The following NEK11 variants were observed in gnomAD, a reference collection of about 807,000 sequenced individuals.
NEK11 encodes the protein serine/threonine-protein kinase Nek11.
NEK11 carries 72 observed loss-of-function variants against 80.7 expected under a neutral mutation model. The ratio of observed to expected loss-of-function variants is 0.89; its 90% CI spans 0.74 to 1.08. NEK11 has a LOEUF of 1.08. Ranked by LOEUF, NEK11 falls within the 50% of genes least tolerant of loss-of-function variation. The pLI, the probability that NEK11 is intolerant of heterozygous loss-of-function variation, is 0.00. For missense variants in NEK11, 764 were observed against 763.6 expected, an observed-to-expected ratio of 1.00 and a Z score of -0.01; for synonymous variants, 251 against 260.7, an observed-to-expected ratio of 0.96 and a Z score of 0.36.
At chr3:131,113,271 A>G (rs1000731297) in intron 5 of NEK11, among the ~76,000 whole-genome samples, 1 of 151,880 alleles carries the variant, frequency 6.6e-6, no homozygotes, top group African/African-American at 2.4e-5. Context: ...GAATATGGAG[A>G]GAGAAGAAGG....
intron 17 of NEK11, among the ~76,000 whole-genome samples, chr3:131,276,108 A>C (rs528641183): frequency 3.9e-5 from 6 of 152,340 alleles, no homozygotes; most frequent in Non-Finnish European, 7.4e-5. Context: ...GGAGGTCAGC[A>C]GATTTGGTGT....
intron 14 of NEK11, among the ~76,000 whole-genome samples, chr3:131,171,188 G>A (rs532842313): frequency 1.3e-5 from 2 of 152,298 alleles, no homozygotes; most frequent in South Asian, 2.1e-4. Flanking sequence ...TGCAAACTCC[G>A]AATACTCTGG....
intron 14 of NEK11, among the ~76,000 whole-genome samples, chr3:131,200,182 C>T (rs75357957): frequency 0.024 from 3,630 of 152,218 alleles, 154 homozygotes; most frequent in African/African-American, 0.083. Context: ...AATAAAGAAA[C>T]GCATAAGTAA....
chr3:131,181,167 T>G (rs748753040), intron 14 of NEK11, among the ~76,000 whole-genome samples: 17 of 152,174 alleles, frequency 1.1e-4, no homozygotes, highest in Non-Finnish European at 1.3e-4. Flanking sequence ...TCTGATTATT[T>G]GGATGCTCTC....
intron 4 of NEK11, among the ~76,000 whole-genome samples, chr3:131,101,795 G>T (rs1355654346): frequency 6.6e-6 from 1 of 152,108 alleles, no homozygotes; most frequent in Non-Finnish European, 1.5e-5. Flanking sequence ...TGCCTTGATG[G>T]TATGTCTAAT....
intron 14 of NEK11, 68 bp downstream of exon 14, chr3:131,170,955 G>A: frequency 9.0e-7 from 1 of 1,111,572 alleles, no homozygotes; most frequent in Non-Finnish European, 1.4e-6. Flanking sequence ...GGCCGACTTT[G>A]CAGTGGGTCT....
chr3:131,102,269 G>A (rs1181445037), intron 4 of NEK11, among the ~76,000 whole-genome samples: 1 of 152,130 alleles, frequency 6.6e-6, no homozygotes, highest in East Asian at 1.9e-4. Flanking sequence ...GCTTTGCAGT[G>A]CCTGTGGGCT....
At chr3:131,289,189 C>A (rs1458414229) in intron 17 of NEK11, among the ~76,000 whole-genome samples, 2 of 152,160 alleles carry the variant, frequency 1.3e-5, no homozygotes, top group Non-Finnish European at 2.9e-5. Flanking sequence ...TTTCAGTGTT[C>A]TCATATGTCC....
rs542119256 is a variant in NEK11 at position 131,073,478 on chromosome 3, G to T, written c.171-6945G>T. On this transcript the variant is annotated intron_variant, in intron 3 of 17. Transcript: ENST00000383366. ...TCTGAAATAATTTTACTCCTTTTTT[G>T]TTCTTTATTAGCTGTATTATTAATT... Among the ~76,000 whole-genome samples, 118 of 151,928 alleles carry T rather than the reference G, an allele frequency of 7.8e-4. 2 individuals carry two copies. The highest frequency in any genetic ancestry group is 7.7e-3 in the Admixed American group (118 of 15,260).
intron 3 of NEK11, among the ~76,000 whole-genome samples, chr3:131,048,506 C>G (rs1026267558): frequency 6.6e-6 from 1 of 152,220 alleles, no homozygotes; most frequent in Non-Finnish European, 1.5e-5. Context: ...TCACTTGGCT[C>G]TCTAAATTTG....
chr3:131,133,799 A>G, intron 6 of NEK11, 31 bp from the exon 7 acceptor site: 1 of 1,593,550 alleles, frequency 6.3e-7, no homozygotes, highest in Non-Finnish European at 8.6e-7. Context: ...GTTGGCTTAA[A>G]GTATTCATAA....
At chr3:131,204,326 C>T (rs980118181) in intron 14 of NEK11, among the ~76,000 whole-genome samples, 1 of 152,026 alleles carries the variant, frequency 6.6e-6, no homozygotes, top group Admixed American at 6.6e-5. Flanking sequence ...TCAGTGTTTC[C>T]CTGAGTTCTG....
intron 16 of NEK11, among the ~76,000 whole-genome samples, chr3:131,265,958 C>T (rs750338334): frequency 6.6e-6 from 1 of 152,080 alleles, no homozygotes; most frequent in Non-Finnish European, 1.5e-5. Context: ...TGTATGTGTC[C>T]AGGAATTTAT....
chr3:131,052,512 G>T (rs767635540), intron 3 of NEK11, among the ~76,000 whole-genome samples: 2 of 152,110 alleles, frequency 1.3e-5, no homozygotes, highest in Non-Finnish European at 2.9e-5. Context: ...CATTTGAGAA[G>T]TTCTGCCATA....
intron 17 of NEK11, among the ~76,000 whole-genome samples, chr3:131,319,925 AT>A (rs935237862): frequency 6.6e-6 from 1 of 152,004 alleles, no homozygotes; most frequent in Non-Finnish European, 1.5e-5. Context: ...AGCACTTTCT[AT>A]TTTTTCAATA....
intron 3 of NEK11, among the ~76,000 whole-genome samples, chr3:131,048,649 G>A (rs370234336): frequency 8.5e-5 from 13 of 152,274 alleles, no homozygotes; most frequent in African/African-American, 2.6e-4. Flanking sequence ...GTCTCCAGGT[G>A]CCTGCAGCAG....
At chr3:131,080,998 T>C (rs904963721) in intron 4 of NEK11, among the ~76,000 whole-genome samples, 6 of 152,118 alleles carry the variant, frequency 3.9e-5, no homozygotes, top group Admixed American at 3.9e-4. Flanking sequence ...TAGTTCCAGC[T>C]AGCGAAGAGA....
At chr3:131,073,987 C>T (rs1032029721) in intron 3 of NEK11, among the ~76,000 whole-genome samples, 1 of 152,192 alleles carries the variant, frequency 6.6e-6, no homozygotes, top group Middle Eastern at 3.4e-3. Context: ...TACTCCTCAC[C>T]CTTTGGGCAG....
intron 15 of NEK11, among the ~76,000 whole-genome samples, chr3:131,242,089 G>A (rs2095528071): frequency 6.6e-6 from 1 of 152,036 alleles, no homozygotes; most frequent in Non-Finnish European, 1.5e-5. Context: ...GACCTTTTGA[G>A]AACAGCTACC....
Sources: allele counts gnomAD v4.1 joint callset (sites outside exome capture counted in the v4.1 genomes callset), GRCh38; gene constraint gnomAD v4.1.1; transcripts MANE v1.5; gene names NCBI Gene and HGNC (gene_info 2026-07-23, HGNC 2026-07-21).